Variants in IZUMO3 observed in about 807,000 individuals in gnomAD.
The protein encoded by IZUMO3 is izumo sperm-egg fusion protein 3.
A neutral mutation model predicts 28.4 loss-of-function variants in IZUMO3; 36 were observed. That is an observed-to-expected ratio of 1.27 (90% confidence interval 0.97 to 1.67). The LOEUF (loss-of-function observed/expected upper bound fraction) is 1.67. Ranked by LOEUF, IZUMO3 falls within the 40% of genes most tolerant of loss-of-function variation. IZUMO3 has a pLI of 0.00. For missense variants in IZUMO3, 387 were observed against 278.5 expected (o/e 1.39, Z -2.77); for synonymous variants, 126 against 99.2 (o/e 1.27, Z -1.61).
chr9:24,544,377 C>T (rs570726311), intron 4 of IZUMO3, 96 bp from the exon 5 acceptor site: 1 of 872,376 alleles, frequency 1.1e-6, no homozygotes, highest in Non-Finnish European at 1.9e-6. Context: ...CTCAAGCATT[C>T]CCAGGACTCT....
intron 3 of IZUMO3, 60 bp from the exon 4 acceptor site, chr9:24,544,820 T>C: frequency 1.3e-6 from 2 of 1,491,464 alleles, no homozygotes; most frequent in East Asian, 2.5e-5. Flanking sequence ...GCCATATTTA[T>C]ACCCAAGTAG....
rs528134762 is a variant in IZUMO3, at chr9:24,543,704, A to G, written c.541T>C (p.Leu181=). 289 of 1,549,754 alleles carry G rather than the reference A, an allele frequency of 1.9e-4. 1 individual carries two copies. The African/African-American group carries it at 3.5e-3, about 19-fold the overall frequency. ...CCCAGTATTACAGCTGTTGCCAGCA[A>G]TATGAGAAATAGAGCAATCTCTCGA... ...ENREIALFLI[L]LATAVILGSA... is the part of the protein sequence containing the mutation. Residue 181 remains leucine (L), a synonymous_variant, in exon 6 of 7, where the codon TTG becomes CTG. Coordinates refer to ENST00000543880, the MANE Select transcript of IZUMO3 (RefSeq NM_001365008.2).
chr9:24,543,670 A>T lies in IZUMO3; in HGVS notation c.575T>A (p.Val192Glu). ...TTGGAGAGAAGAAACTCACAGTAAC[A>T]CAGCACTTCCCAGTATTACAGCTGT... ...LATAVILGSAVLLFHFCIFHR... is the reference protein window; with the variant it reads ...LATAVILGSAELLFHFCIFHR... The change falls in exon 6 of 7, where the codon GTG becomes GAG. Residue 192 changes from valine (V) to glutamate (E), a missense_variant. Transcript: ENST00000543880. 6.5e-7 allele frequency: 1 copy of T among 1,544,224 alleles called. No individual in the cohort carries two copies. The highest frequency in any genetic ancestry group is 8.8e-7 in the Non-Finnish European group (1 of 1,141,602).
Position 24,543,641 on chromosome 9 carries a change from T to C in IZUMO3, c.581+23A>G, listed in dbSNP as rs75082295. 2,729 of 1,481,026 alleles carry C rather than the reference T, an allele frequency of 1.8e-3. 39 individuals carry two copies. In the African/African-American group the frequency reaches 0.033, roughly 18 times the overall value. 91.7% of individuals were successfully genotyped at this position (1,481,026 alleles called of 1,614,324 possible). On this transcript the variant is annotated intron_variant, in intron 6 of 6. Transcript: ENST00000543880. ...GCAAAAGGAATATTTGACCCAGTGTTTATTTGGAGAGAAGAAACTCACAGT... is the reference window on the plus strand; with the variant it reads ...GCAAAAGGAATATTTGACCCAGTGTCTATTTGGAGAGAAGAAACTCACAGT...
intron 5 of IZUMO3, among the ~76,000 whole-genome samples, 168 bp downstream of exon 5, chr9:24,544,033 T>G (rs1819522515): frequency 1.3e-5 from 2 of 152,248 alleles, no homozygotes; most frequent in Admixed American, 6.5e-5. Flanking sequence ...CCAAATTATT[T>G]ATACTGGTCA....
chr9:24,543,862 C>G, intron 5 of IZUMO3, 108 bp from the exon 6 acceptor site: 1 of 728,828 alleles, frequency 1.4e-6, no homozygotes, highest in Non-Finnish European at 2.4e-6. Flanking sequence ...GCCCTGTTTA[C>G]TACTTCATCA....
Position 24,543,348 on chromosome 9 carries a change from G to A in IZUMO3, c.601C>T (p.His201Tyr), listed in dbSNP as rs988337851. The A allele has an allele frequency of 5.3e-6, 8 of 1,499,652 alleles. No individual in the cohort carries two copies. Among genetic ancestry groups the A allele is most frequent in the Non-Finnish European group, 7.2e-6 (8 of 1,118,084 alleles). 92.9% of individuals were successfully genotyped at this position (1,499,652 alleles called of 1,614,324 possible). A position where few individuals can be genotyped will look rare whatever the true frequency, so the allele number is the denominator to read the frequency against. ...AVLLFHFCIFHRRKMKAIRRS... is the reference protein window; with the variant it reads ...AVLLFHFCIFYRRKMKAIRRS... ...CGTATTGCCTTCATTTTCCTCCGAT[G>A]AAAGATGCAAAAATGGAATCTAGAG... Residue 201 changes from histidine to tyrosine, a missense_variant, in exon 7 of 7, where the codon CAT becomes TAT. By Grantham distance (83) the His-to-Tyr change is moderately conservative. Transcript: ENST00000543880.
chr9:24,543,454 T>G (rs1587168779), intron 6 of IZUMO3, 87 bp from the exon 7 acceptor site: 8 of 885,168 alleles, frequency 9.0e-6, no homozygotes, highest in African/African-American at 1.9e-5. Context: ...TTTTTTTTTT[T>G]TTTTTTTTTT....
At chr9:24,544,395 G>T in intron 4 of IZUMO3, 114 bp from the exon 5 acceptor site, 1 of 768,890 alleles carries the variant, frequency 1.3e-6, no homozygotes, top group Non-Finnish European at 2.2e-6. Context: ...TCTCAAGTTT[G>T]CATTGCTGTG....
Position 24,545,852 on chromosome 9 carries a change from T to C in IZUMO3, c.-203A>G, listed in dbSNP as rs907103089. 12 of 1,530,658 alleles carry C rather than the reference T, an allele frequency of 7.8e-6. No homozygotes were observed. Among genetic ancestry groups the C allele is most frequent in the Middle Eastern group, 1.7e-4 (1 of 5,802 alleles). The allele number at this position is 1,530,658 out of a possible 1,614,324, so 94.8% of individuals were successfully genotyped here. On this transcript the variant is annotated 5_prime_UTR_variant, in exon 1 of 7. It removes an upstream start codon present in the reference 5' UTR. Transcript: ENST00000543880. Reference sequence around the variant, plus strand: ...GTTGTTTACTGACTATTATCCTTCATTCTAGGAGAGGGAACTGCCAGCTGG... The same window carrying C: ...GTTGTTTACTGACTATTATCCTTCACTCTAGGAGAGGGAACTGCCAGCTGG...
At position 24,545,017 on chromosome 9, in the gene IZUMO3, G is replaced by C. The variant is rs1587171682; in HGVS notation, c.346C>G (p.Leu116Val). 1.3e-6 allele frequency: 2 copies of C among 1,550,756 alleles called. No homozygotes were observed. The highest frequency in any genetic ancestry group is 2.4e-5 in the East Asian group (1 of 40,894). Residue 116 changes from leucine (L) to valine (V), a missense_variant, in exon 3 of 7, where the codon CTG becomes GTG. Leu to Val is a conservative substitution (Grantham distance 32). Transcript: ENST00000543880. The part of the protein sequence containing the change: ...QGKLLDVCQN[L>V]ESKLKELLKN... Reference sequence around the variant, plus strand: ...AGTAATTCTTTCAGTTTGGATTCCAGGTTTTGGCAGACATCGAGAAGCTTG... The same window carrying C: ...AGTAATTCTTTCAGTTTGGATTCCACGTTTTGGCAGACATCGAGAAGCTTG...
rs33972842 is a variant in IZUMO3 at position 24,543,438 on chromosome 9, GTTTTTTTTTTTTTTTTTTTT to G, written c.582-91_582-72del. On this transcript the variant is annotated intron_variant, in intron 6 of 6. Transcript: ENST00000543880. ...CCATTCTTTAAGCCAGTTATACATT[GTTTTTTTTTTTTTTTTTTTT>G]TTTTTTTTTTTTTTGCTGGATACTT... The G allele has an allele frequency of 6.9e-4, 26 of 37,796 alleles. No homozygotes were observed. In the East Asian group the frequency reaches 7.3e-3, roughly 11 times the overall value. The allele number at this position is 37,796 out of a possible 1,614,324, so 2.3% of individuals were successfully genotyped here.
chr9:24,543,421 T>C (rs1266801290), intron 6 of IZUMO3, 54 bp from the exon 7 acceptor site: 2 of 698,512 alleles, frequency 2.9e-6, no homozygotes, highest in Non-Finnish European at 4.3e-6. Flanking sequence ...CCCCATTCTT[T>C]AAGCCAGTTA....
intron 4 of IZUMO3, 140 bp downstream of exon 4, chr9:24,544,603 T>C (rs1162480499): frequency 1.4e-6 from 1 of 728,442 alleles, no homozygotes; most frequent in African/African-American, 1.8e-5. Flanking sequence ...TTATCAGGTA[T>C]TGTTGACGTT....
Position 24,543,716 on chromosome 9 carries a change from G to C in IZUMO3, c.529C>G (p.Leu177Val), listed in dbSNP as rs1563907893. The change falls in exon 6 of 7, where the codon CTA becomes GTA. Residue 177 changes from leucine to valine, a missense_variant. Physicochemically the swap from Leu to Val is conservative, Grantham distance 32 (BLOSUM62 1). Transcript: ENST00000543880. ...GCTGTTGCCAGCAATATGAGAAATA[G>C]AGCAATCTCTCGATTCTCAGCCTTT... The part of the protein sequence containing the change: ...PRKAENREIA[L>V]FLILLATAVI... 7.7e-6 allele frequency: 12 copies of C among 1,549,538 alleles called. No homozygotes were observed. Among genetic ancestry groups the C allele is most frequent in the Non-Finnish European group, 8.7e-6 (10 of 1,146,236 alleles).
rs1819532368 is a variant in IZUMO3, at chr9:24,544,388, C to T, written c.410-107G>A. 4 of 815,984 alleles carry T rather than the reference C, an allele frequency of 4.9e-6. No individual in the cohort carries two copies. The South Asian group carries it at 6.0e-5, about 12-fold the overall frequency. 50.5% of individuals were successfully genotyped at this position (815,984 alleles called of 1,614,324 possible). The stretch of plus-strand genomic sequence containing the variant: ...TGATCTCAAGCATTCCCAGGACTCT[C>T]AAGTTTGCATTGCTGTGAATTTCTT... On this transcript the variant is annotated intron_variant, in intron 4 of 6. Transcript: ENST00000543880.
At chr9:24,544,361 T>C (rs1819531700) in intron 4 of IZUMO3, 80 bp from the exon 5 acceptor site, 23 of 995,750 alleles carry the variant, frequency 2.3e-5, no homozygotes, top group Admixed American at 2.0e-4. Flanking sequence ...GTGTGGAGGA[T>C]TTGATCTCAA....
In IZUMO3 at chr9:24,543,286, T is replaced by C; in HGVS notation, c.663A>G (p.Glu221=). 3.9e-6 allele frequency: 6 copies of C among 1,548,784 alleles called. No homozygotes were observed. Among genetic ancestry groups the C allele is most frequent in the Non-Finnish European group, 5.2e-6 (6 of 1,145,830 alleles). ...SLKEYVEKKL[E]ELMGKIDEKE... is the part of the protein sequence containing the mutation. ...TCTCATCTATCTTCCCCATTAATTC[T>C]TCAAGTTTCTTCTCCACATATTCCT... Residue 221 remains glutamate, a synonymous_variant, in exon 7 of 7, where the codon GAA becomes GAG. Coordinates refer to ENST00000543880, the MANE Select transcript of IZUMO3 (RefSeq NM_001365008.2).
Position 24,545,756 on chromosome 9 carries a change from T to C in IZUMO3, c.-107A>G. The C allele has an allele frequency of 6.5e-7, 1 of 1,533,490 alleles. No homozygotes were observed. Among genetic ancestry groups the C allele is most frequent in the South Asian group, 1.2e-5 (1 of 81,638 alleles). 95.0% of individuals were successfully genotyped at this position (1,533,490 alleles called of 1,614,324 possible). A position where few individuals can be genotyped will look rare whatever the true frequency, so the allele number is the denominator to read the frequency against. On this transcript the variant is annotated 5_prime_UTR_variant, in exon 1 of 7. Transcript: ENST00000543880. ...AATGAGAGCCTGGTTCTGGATAGTCTGACTCCACTTTTCCCGCTGTTTCCA... is the reference window on the plus strand; with the variant it reads ...AATGAGAGCCTGGTTCTGGATAGTCCGACTCCACTTTTCCCGCTGTTTCCA...
Sources: gnomAD v4.1 joint callset for allele counts (sites outside exome capture counted in the v4.1 genomes callset) on GRCh38, gnomAD v4.1.1 for gene constraint, MANE v1.5 for transcripts, NCBI Gene and HGNC (gene_info 2026-07-23, HGNC 2026-07-21) for gene names.